CNTNAP5: variants seen among roughly 807,000 people sequenced by gnomAD.
The protein encoded by CNTNAP5 is contactin associated protein family member 5.
CNTNAP5 carries 72 observed loss-of-function variants against 150.2 expected under a neutral mutation model. The ratio of observed to expected loss-of-function variants is 0.48; its 90% CI spans 0.40 to 0.58. The LOEUF (loss-of-function observed/expected upper bound fraction) is 0.58, where lower values mean the gene tolerates loss of function less well. Ranked by LOEUF, CNTNAP5 falls within the 20% of genes least tolerant of loss-of-function variation. The pLI is 0.00. For synonymous variants in CNTNAP5, 672 were observed against 619.8 expected (o/e 1.08, Z -1.25); for missense variants, 1,636 against 1,626.2 (o/e 1.01, Z -0.10).
chr2:124,512,857 T>C (rs556440186), intron 8 of CNTNAP5, among the ~76,000 whole-genome samples: 7 of 152,324 alleles, frequency 4.6e-5, no homozygotes, highest in Middle Eastern at 6.8e-3. Flanking sequence ...TCAACAGCCA[T>C]AATGAATGTT....
chr2:124,754,510 T>G (rs1024156889), intron 14 of CNTNAP5, among the ~76,000 whole-genome samples: 29 of 152,178 alleles, frequency 1.9e-4, no homozygotes, highest in African/African-American at 6.7e-4. Flanking sequence ...CCTCCATGCC[T>G]TAACTGCTGA....
At chr2:124,790,177 G>A (rs1681694919) in intron 18 of CNTNAP5, 36 bp downstream of exon 18, 1 of 1,569,142 alleles carries the variant, frequency 6.4e-7, no homozygotes. Flanking sequence ...TGAGTGCAGT[G>A]CTGTATCACC....
chr2:124,644,659 G>A (rs1678166422), intron 12 of CNTNAP5, among the ~76,000 whole-genome samples: 1 of 152,056 alleles, frequency 6.6e-6, no homozygotes, highest in Admixed American at 6.5e-5. Context: ...ACTGAGACTG[G>A]GGACAAGTCT....
chr2:124,802,127 G>T (rs1558781675), intron 19 of CNTNAP5, among the ~76,000 whole-genome samples: 1 of 152,192 alleles, frequency 6.6e-6, no homozygotes, highest in Non-Finnish European at 1.5e-5. Context: ...TCCAGGTTGT[G>T]CACAATGGCT....
intron 19 of CNTNAP5, among the ~76,000 whole-genome samples, chr2:124,830,636 C>G (rs1682694731): frequency 6.6e-6 from 1 of 151,846 alleles, no homozygotes; most frequent in Non-Finnish European, 1.5e-5. Context: ...AGGAAATTTC[C>G]TGGTTACATT....
chr2:124,475,813 G>A (rs1451107549), intron 7 of CNTNAP5, among the ~76,000 whole-genome samples: 1 of 152,070 alleles, frequency 6.6e-6, no homozygotes, highest in Admixed American at 6.6e-5. Flanking sequence ...ACAACAAATA[G>A]TTGGGTCATG....
intron 10 of CNTNAP5, among the ~76,000 whole-genome samples, chr2:124,561,945 T>A (rs977677773): frequency 1.3e-5 from 2 of 152,278 alleles, no homozygotes; most frequent in East Asian, 1.9e-4. Context: ...TTTCCTGTAC[T>A]CTCTCAGGCC....
chr2:124,262,977 A>G (rs1223643788), intron 3 of CNTNAP5, among the ~76,000 whole-genome samples: 2 of 151,954 alleles, frequency 1.3e-5, no homozygotes, highest in African/African-American at 2.4e-5. Context: ...AAGGACATGA[A>G]CTCATCATTT....
rs751174282 is a variant in CNTNAP5 at position 124,242,220 on chromosome 2, G to T, written c.208G>T (p.Ala70Ser). ...WRVGTGGWSP[A>S]DSNAQQWLQM... ...TCCAGGAACTGGCGGTTGGTCCCCA[G>T]CAGATTCCAATGCTCAACAGTGGCT... The change falls in exon 3 of 24, where the codon GCA becomes TCA. Residue 70 changes from alanine (A) to serine (S), a missense_variant. Coordinates refer to ENST00000682447, the MANE Select transcript of CNTNAP5 (RefSeq NM_001367498.1). 5.0e-6 allele frequency: 8 copies of T among 1,593,594 alleles called. No individual in the cohort carries two copies. Among genetic ancestry groups the T allele is most frequent in the Non-Finnish European group, 6.8e-6 (8 of 1,169,076 alleles).
In CNTNAP5 at chr2:124,371,052, C is replaced by T. The variant is rs1041522848; in HGVS notation, c.382-46391C>T. ...GTGCAGAATTTTCCCTGTGTTCCTGCATCTTCAGAGATAAGGATGCTACTG... is the reference window on the plus strand; with the variant it reads ...GTGCAGAATTTTCCCTGTGTTCCTGTATCTTCAGAGATAAGGATGCTACTG... On this transcript the variant is annotated intron_variant, in intron 3 of 23. Coordinates refer to ENST00000682447, the MANE Select transcript of CNTNAP5 (RefSeq NM_001367498.1). 2.6e-5 allele frequency among the ~76,000 whole-genome samples: 4 copies of T among 152,174 alleles called. No homozygotes were observed. The East Asian group carries it at 7.7e-4, about 29-fold the overall frequency.
chr2:124,145,826 A>AAAAG (rs1558773914), intron 1 of CNTNAP5, among the ~76,000 whole-genome samples: 3 of 3,672 alleles, frequency 8.2e-4, no homozygotes, highest in Non-Finnish European at 3.0e-3. Flanking sequence ...AAAAAAAAAA[A>AAAAG]AAGAAGAAAA....
chr2:124,651,545 A>G (rs894118704), intron 13 of CNTNAP5, among the ~76,000 whole-genome samples: 3 of 152,194 alleles, frequency 2.0e-5, no homozygotes, highest in Admixed American at 2.0e-4. Flanking sequence ...AGAGAATAAG[A>G]TGCTTGTTTA....
At position 124,919,154 on chromosome 2, in the gene CNTNAP5, G is replaced by T. The variant is rs532547788; in HGVS notation, c.*4866G>T. On this transcript the variant is annotated 3_prime_UTR_variant, in exon 24 of 24. Coordinates refer to ENST00000682447, the MANE Select transcript of CNTNAP5 (RefSeq NM_001367498.1). ...ACACGCACGCTCACATGCACACTTT[G>T]TACAAATAGGGCTGTTATTCAACTT... Among the ~76,000 whole-genome samples the T allele has an allele frequency of 6.6e-6, 1 of 151,964 alleles. No individual in the cohort carries two copies. The highest frequency in any genetic ancestry group is 2.4e-5 in the African/African-American group (1 of 41,420).
At chr2:124,739,516 G>A (rs1488882430) in intron 13 of CNTNAP5, among the ~76,000 whole-genome samples, 2 of 152,096 alleles carry the variant, frequency 1.3e-5, no homozygotes, top group African/African-American at 4.8e-5. Flanking sequence ...GCAATCACTG[G>A]TAATCTCTTG....
chr2:124,409,728 C>T (rs560972924), intron 3 of CNTNAP5, among the ~76,000 whole-genome samples: 34 of 149,404 alleles, frequency 2.3e-4, no homozygotes, highest in East Asian at 9.9e-4. Flanking sequence ...CTGAAGGAAG[C>T]GCTAAACATG....
At chr2:124,291,003 A>T (rs1412715548) in intron 3 of CNTNAP5, among the ~76,000 whole-genome samples, 1 of 152,092 alleles carries the variant, frequency 6.6e-6, no homozygotes, top group Non-Finnish European at 1.5e-5. Flanking sequence ...CCACAGTGAC[A>T]GTCACAGAGT....
chr2:124,848,466 A>T (rs1483995840), intron 19 of CNTNAP5, among the ~76,000 whole-genome samples: 1 of 152,176 alleles, frequency 6.6e-6, no homozygotes, highest in Non-Finnish European at 1.5e-5. Context: ...GTTGAAATAT[A>T]CATGAGGTGC....
At chr2:124,643,022 C>G (rs1456922310) in intron 12 of CNTNAP5, among the ~76,000 whole-genome samples, 1 of 152,174 alleles carries the variant, frequency 6.6e-6, no homozygotes, top group African/African-American at 2.4e-5. Context: ...TGCTCTGGAT[C>G]TGAATCATGA....
chr2:124,432,941 A>G (rs538426935), intron 4 of CNTNAP5, among the ~76,000 whole-genome samples: 1 of 152,382 alleles, frequency 6.6e-6, no homozygotes, highest in African/African-American at 2.4e-5. Context: ...TGTGCCATGC[A>G]CAATGAGTTC....
Sources: gnomAD v4.1 joint callset for allele counts (sites outside exome capture counted in the v4.1 genomes callset) on GRCh38, gnomAD v4.1.1 for gene constraint, MANE v1.5 for transcripts, NCBI Gene and HGNC (gene_info 2026-07-23, HGNC 2026-07-21) for gene names.